PLCZ1: variants seen among roughly 807,000 people sequenced by gnomAD.
PLCZ1 encodes the protein phospholipase C zeta 1.
PLCZ1 carries 64 observed loss-of-function variants against 76.8 expected under a neutral mutation model. The observed-to-expected ratio is 0.83, with a 90% confidence interval of 0.68 to 1.03. The LOEUF (loss-of-function observed/expected upper bound fraction) is 1.03. PLCZ1 is among the 50% of genes least tolerant of loss of function. The probability of loss-of-function intolerance (pLI) is 0.00; values close to 1 mark genes in which losing one functional copy is unlikely to be tolerated. For synonymous variants in PLCZ1, 248 were observed against 230.8 expected, an observed-to-expected ratio of 1.07 and a Z score of -0.68; for missense variants, 751 against 713.7, an observed-to-expected ratio of 1.05 and a Z score of -0.60.
intron 5 of PLCZ1, 90 bp downstream of exon 5, chr12:18,719,341 T>C (rs1487585560): frequency 1.0e-5 from 7 of 689,958 alleles, no homozygotes; most frequent in Non-Finnish European, 1.5e-5. Flanking sequence ...GAGTCTTCTT[T>C]TTATTGTGCA....
intron 6 of PLCZ1, among the ~76,000 whole-genome samples, chr12:18,709,536 T>G (rs2137379056): frequency 6.6e-6 from 1 of 152,008 alleles, no homozygotes; most frequent in African/African-American, 2.4e-5. Flanking sequence ...TAGGACTTTT[T>G]TTTTATTTCT....
chr12:18,720,893 G>A (rs1485345569), intron 4 of PLCZ1, among the ~76,000 whole-genome samples: 2 of 151,986 alleles, frequency 1.3e-5, no homozygotes, highest in African/African-American at 4.8e-5. Flanking sequence ...ATATAGTGAT[G>A]TAAGTAAATG....
rs1952744528 is a variant in PLCZ1, at chr12:18,684,159, T to C, written c.1712A>G (p.Tyr571Cys). The C allele has an allele frequency of 6.2e-7, 1 of 1,612,032 alleles. No homozygotes were observed. The highest frequency in any genetic ancestry group is 1.1e-5 in the South Asian group (1 of 91,052). The change falls in exon 14 of 15, where the codon TAT (tyrosine) becomes TGT (cysteine). Residue 571 changes from tyrosine (Y) to cysteine (C), a missense_variant. Tyr to Cys is a radical substitution (Grantham distance 194). Coordinates refer to ENST00000266505, the MANE Select transcript of PLCZ1 (RefSeq NM_033123.4). ...LIAGNEFLGQ[Y>C]TLPLLCMNKG... ...GTTCATGCATAGAAGTGGCAAAGTA[T>C]ATTGCCCAAGAAATTCATTTCCTGC...
At chr12:18,648,308 A>T in the PLCZ1 span, 2 of 237,764 alleles carry the variant, frequency 8.4e-6, no homozygotes, top group East Asian at 6.1e-5. Context: ...TATATTTTAA[A>T]TTAAACATAG....
intron 4 of PLCZ1, 99 bp downstream of exon 4, chr12:18,723,209 AACC>A: frequency 2.9e-6 from 3 of 1,036,912 alleles, no homozygotes; most frequent in Non-Finnish European, 4.2e-6. Flanking sequence ...GTAATTTGAT[AACC>A]ACAATTCATA....
the PLCZ1 span, among the ~76,000 whole-genome samples, chr12:18,663,274 G>A: frequency 6.6e-6 from 1 of 152,064 alleles, no homozygotes; most frequent in East Asian, 1.9e-4. Flanking sequence ...TTGAAAAGAA[G>A]AGGCAAAATT....
intron 13 of PLCZ1, among the ~76,000 whole-genome samples, chr12:18,687,429 TGA>T: frequency 6.6e-6 from 1 of 152,162 alleles, no homozygotes; most frequent in African/African-American, 2.4e-5. Flanking sequence ...AAGGTGATCC[TGA>T]CCAGGGATCA....
downstream of PLCZ1, among the ~76,000 whole-genome samples, chr12:18,678,229 C>T (rs1276547268): frequency 1.3e-5 from 2 of 152,098 alleles, no homozygotes; most frequent in Non-Finnish European, 2.9e-5. Context: ...TTAGAACACA[C>T]ATTGTCACAT....
chr12:18,699,435 C>G (rs756646467), intron 10 of PLCZ1, among the ~76,000 whole-genome samples: 1 of 152,240 alleles, frequency 6.6e-6, no homozygotes, highest in South Asian at 2.1e-4. Flanking sequence ...TCTTCTCCTG[C>G]GCACCTTCGC....
chr12:18,729,222 T>C (rs1473924415), intron 3 of PLCZ1, among the ~76,000 whole-genome samples: 1 of 151,926 alleles, frequency 6.6e-6, no homozygotes, highest in Non-Finnish European at 1.5e-5. Context: ...CATCCTGTAC[T>C]CCAGTCATAT....
At chr12:18,736,111 G>T in intron 3 of PLCZ1, 110 bp downstream of exon 3, 1 of 1,235,996 alleles carries the variant, frequency 8.1e-7, no homozygotes, top group Non-Finnish European at 1.1e-6. Flanking sequence ...AATATAGTTA[G>T]TATAATTAAT....
the PLCZ1 span, among the ~76,000 whole-genome samples, chr12:18,649,235 A>C: frequency 1.3e-5 from 2 of 152,124 alleles, no homozygotes; most frequent in African/African-American, 4.8e-5. Flanking sequence ...AATTAGAATC[A>C]GTAAAAAGAA....
chr12:18,668,784 T>C, the PLCZ1 span, among the ~76,000 whole-genome samples: 1 of 152,178 alleles, frequency 6.6e-6, no homozygotes, highest in African/African-American at 2.4e-5. Flanking sequence ...CCTGCTGATA[T>C]TCACCTCAGG....
the PLCZ1 span, among the ~76,000 whole-genome samples, chr12:18,654,684 C>T: frequency 6.8e-4 from 103 of 152,240 alleles, no homozygotes; most frequent in Non-Finnish European, 1.4e-3. Flanking sequence ...CAAGATGATT[C>T]CAGTTGAGTA....
intron 12 of PLCZ1, chr12:18,694,094 C>T (rs1437371342): frequency 9.2e-7 from 1 of 1,084,182 alleles, no homozygotes; most frequent in Middle Eastern, 3.0e-4. Context: ...GGGGCTGTAT[C>T]TCTAGTGAAC....
downstream of PLCZ1, among the ~76,000 whole-genome samples, chr12:18,679,242 T>C (rs530949901): frequency 1.9e-4 from 29 of 152,140 alleles, no homozygotes; most frequent in African/African-American, 6.3e-4. Context: ...ATATATAGCT[T>C]ACCTTATCAT....
rs879036629 is a variant in PLCZ1, at chr12:18,705,206, T to A, written c.824A>T (p.Asp275Val). ...AGTATCAGGAAAATCATCAAGCATA[T>A]CAGAAAGCAAGGACTCTCCAAAAGT... Reference protein sequence around the residue: ...QATFGESLLSDMLDDFPDTLP... With the variant: ...QATFGESLLSVMLDDFPDTLP... The change falls in exon 7 of 15, where the codon GAT becomes GTT. Residue 275 changes from aspartate to valine, a missense_variant. Physicochemically the swap from Asp to Val is radical, Grantham distance 152 (BLOSUM62 -3). Transcript: ENST00000266505. 2.5e-6 allele frequency: 4 copies of A among 1,613,908 alleles called. No individual in the cohort carries two copies. In the South Asian group the frequency reaches 4.4e-5, roughly 18 times the overall value.
intron 7 of PLCZ1, among the ~76,000 whole-genome samples, chr12:18,703,664 A>G (rs1479290456): frequency 6.6e-6 from 1 of 152,104 alleles, no homozygotes; most frequent in Non-Finnish European, 1.5e-5. Context: ...CTGTATGTTA[A>G]CCCTTGTGTG....
At chr12:18,737,241 A>T in intron 2 of PLCZ1, 120 bp downstream of exon 2, 2 of 1,052,678 alleles carry the variant, frequency 1.9e-6, no homozygotes, top group Non-Finnish European at 3.0e-6. Context: ...AGGGAAAAGC[A>T]GTTCAACTTA....
Sources: gnomAD v4.1 joint callset for allele counts (sites outside exome capture counted in the v4.1 genomes callset) on GRCh38, gnomAD v4.1.1 for gene constraint, MANE v1.5 for transcripts, NCBI Gene and HGNC (gene_info 2026-07-23, HGNC 2026-07-21) for gene names.